PKHD1: variants seen among roughly 807,000 people sequenced by gnomAD.
PKHD1 encodes the protein PKHD1 ciliary IPT domain containing fibrocystin/polyductin, also known as fibrocystin.
PKHD1 carries 291 observed loss-of-function variants against 412.0 expected under a neutral mutation model. The ratio of observed to expected loss-of-function variants is 0.71; its 90% CI spans 0.64 to 0.78. The LOEUF is 0.78. Ranked by LOEUF, PKHD1 falls within the 30% of genes least tolerant of loss-of-function variation. PKHD1 has a pLI of 0.00. For missense variants in PKHD1, 4,825 were observed against 4,950.7 expected (o/e 0.97, Z 0.76); for synonymous variants, 1,777 against 1,821.5 (o/e 0.98, Z 0.62).
chr6:51,870,832 A>G (rs1775877081), intron 46 of PKHD1, among the ~76,000 whole-genome samples, 193 bp from the exon 47 acceptor site: 1 of 152,144 alleles, frequency 6.6e-6, no homozygotes, highest in South Asian at 2.1e-4. Context: ...CAACAGCAAG[A>G]AAATAGACAA....
chr6:51,932,496 T>C (rs1420561375), intron 37 of PKHD1, among the ~76,000 whole-genome samples: 1 of 152,190 alleles, frequency 6.6e-6, no homozygotes, highest in Non-Finnish European at 1.5e-5. Flanking sequence ...ACCACAAATA[T>C]ACACCAACTT....
At chr6:51,930,218 C>G (rs952494935) in intron 37 of PKHD1, among the ~76,000 whole-genome samples, 4 of 152,110 alleles carry the variant, frequency 2.6e-5, no homozygotes, top group African/African-American at 9.7e-5. Context: ...GCTACCCAAA[C>G]CCCAGACTGC....
At chr6:51,847,096 A>T (rs1771302284) in intron 50 of PKHD1, among the ~76,000 whole-genome samples, 1 of 151,974 alleles carries the variant, frequency 6.6e-6, no homozygotes, top group African/African-American at 2.4e-5. Flanking sequence ...AGTAACTGAG[A>T]CTACAGGCAT....
chr6:51,724,254 G>C (rs1782284086), intron 60 of PKHD1, among the ~76,000 whole-genome samples: 2 of 152,084 alleles, frequency 1.3e-5, no homozygotes, highest in Non-Finnish European at 2.9e-5. Flanking sequence ...TTTGTCCTTA[G>C]GTCCCATTCA....
intron 35 of PKHD1, among the ~76,000 whole-genome samples, chr6:51,978,720 A>G (rs1160455843): frequency 6.6e-6 from 1 of 152,138 alleles, no homozygotes; most frequent in African/African-American, 2.4e-5. Flanking sequence ...CTCATCTCAC[A>G]AACACTGTAA....
chr6:51,927,538 C>A (rs577384666), intron 37 of PKHD1, among the ~76,000 whole-genome samples: 1 of 152,286 alleles, frequency 6.6e-6, no homozygotes, highest in South Asian at 2.1e-4. Flanking sequence ...TAACCCTGGC[C>A]TTTCCTCCCC....
chr6:51,652,527 G>C (rs1771139541), intron 61 of PKHD1, among the ~76,000 whole-genome samples: 2 of 151,292 alleles, frequency 1.3e-5, no homozygotes, highest in Admixed American at 1.3e-4. Flanking sequence ...TTGATTGAAT[G>C]CTTCATGATG....
chr6:52,051,431 G>A (rs1806829746), intron 21 of PKHD1, among the ~76,000 whole-genome samples: 1 of 152,222 alleles, frequency 6.6e-6, no homozygotes, highest in African/African-American at 2.4e-5. Context: ...GCCCAATTGT[G>A]TAGTTTATGT....
At chr6:51,991,521 T>A (rs1797038520) in intron 35 of PKHD1, among the ~76,000 whole-genome samples, 1 of 152,220 alleles carries the variant, frequency 6.6e-6, no homozygotes, top group Non-Finnish European at 1.5e-5. Flanking sequence ...CTGATAGCTG[T>A]TGAAGGTAGA....
At chr6:51,982,187 G>GGA (rs1795470838) in intron 35 of PKHD1, among the ~76,000 whole-genome samples, 3 of 44,450 alleles carry the variant, frequency 6.7e-5, no homozygotes, top group Non-Finnish European at 1.5e-4. Context: ...GAGGGAGGTG[G>GGA]GGGGGTCAGC....
At chr6:52,061,179 C>T (rs945022519) in intron 14 of PKHD1, among the ~76,000 whole-genome samples, 2 of 152,004 alleles carry the variant, frequency 1.3e-5, no homozygotes, top group African/African-American at 4.8e-5. Flanking sequence ...AATTAACTGC[C>T]ACATTTTTGT....
chr6:51,818,084 A>C (rs967722122), intron 52 of PKHD1, among the ~76,000 whole-genome samples: 4 of 152,206 alleles, frequency 2.6e-5, no homozygotes, highest in South Asian at 2.1e-4. Flanking sequence ...AGATGGTTTC[A>C]AACGAGATCC....
chr6:51,914,239 G>A (rs1472881179), intron 37 of PKHD1, among the ~76,000 whole-genome samples: 5 of 152,084 alleles, frequency 3.3e-5, no homozygotes, highest in African/African-American at 7.2e-5. Flanking sequence ...ATAAATAATG[G>A]TCAACTCTGA....
At chr6:51,979,559 C>T (rs1314641797) in intron 35 of PKHD1, among the ~76,000 whole-genome samples, 2 of 151,918 alleles carry the variant, frequency 1.3e-5, no homozygotes, top group South Asian at 2.1e-4. Context: ...CTCTCCTCCT[C>T]CTCTCCCCCC....
chr6:51,735,557 T>C (rs9474063), intron 60 of PKHD1, among the ~76,000 whole-genome samples: 1 of 151,946 alleles, frequency 6.6e-6, no homozygotes, highest in Non-Finnish European at 1.5e-5. Flanking sequence ...TCTAAAACAG[T>C]TAACACTGAA....
intron 37 of PKHD1, among the ~76,000 whole-genome samples, chr6:51,932,874 T>C (rs542381938): frequency 6.5e-4 from 99 of 152,298 alleles, no homozygotes; most frequent in African/African-American, 2.2e-3. Context: ...GCATGTTTTT[T>C]GATAGACAAT....
intron 60 of PKHD1, among the ~76,000 whole-genome samples, chr6:51,679,625 TCAA>T (rs1776354342): frequency 6.6e-6 from 1 of 151,974 alleles, no homozygotes; most frequent in African/African-American, 2.4e-5. Context: ...ACTCAGGTAG[TCAA>T]GAATTTCCAA....
intron 1 of PKHD1, among the ~76,000 whole-genome samples, chr6:52,086,535 C>G (rs912990057): frequency 1.3e-5 from 2 of 152,126 alleles, no homozygotes; most frequent in East Asian, 3.9e-4. Flanking sequence ...TTGCAATAAA[C>G]TCACCTTACG....
At chr6:51,682,091 C>G in intron 60 of PKHD1, 1 of 341,400 alleles carries the variant, frequency 2.9e-6, no homozygotes. Context: ...TATACAGCAT[C>G]AGGGTAGACT....
Sources: allele counts gnomAD v4.1 joint callset (sites outside exome capture counted in the v4.1 genomes callset), GRCh38; gene constraint gnomAD v4.1.1; transcripts MANE v1.5; gene names NCBI Gene and HGNC (gene_info 2026-07-23, HGNC 2026-07-21).